Variants in ZZEF1 observed in about 807,000 individuals in gnomAD.
ZZEF1 encodes zinc finger ZZ-type and EF-hand domain containing 1.
In ZZEF1, 157 loss-of-function variants were observed where a neutral mutation model predicts 342.8. The observed-to-expected ratio is 0.46, with a 90% CI of 0.40 to 0.52. The LOEUF (loss-of-function observed/expected upper bound fraction) is 0.52, where lower values mean the gene tolerates loss of function less well. Among genes scored for constraint, ZZEF1 ranks in the 20% least tolerant of loss-of-function variants. The pLI, the probability that ZZEF1 is intolerant of heterozygous loss-of-function variation, is 0.00. For synonymous variants in ZZEF1, 1,505 were observed against 1,429.1 expected (o/e 1.05, Z -1.20); for missense variants, 3,480 against 3,725.6 (o/e 0.93, Z 1.72).
intron 28 of ZZEF1, 57 bp downstream of exon 28, chr17:4,066,389 CA>C: frequency 6.5e-7 from 1 of 1,529,242 alleles, no homozygotes; most frequent in Non-Finnish European, 9.0e-7. Flanking sequence ...ATTGGTTTTC[CA>C]GGCTCTAAAA....
Position 4,022,733 on chromosome 17 carries a change from T to G in ZZEF1, c.7188A>C (p.Lys2396Asn). 1 of 1,613,872 alleles carries G rather than the reference T, an allele frequency of 6.2e-7. No individual in the cohort carries two copies. Among genetic ancestry groups the G allele is most frequent in the Non-Finnish European group, 8.5e-7 (1 of 1,179,968 alleles). Residue 2396 changes from lysine to asparagine, a missense_variant, in exon 44 of 55, where the codon AAA becomes AAC. Lys to Asn is a moderately conservative substitution (Grantham distance 94). Coordinates refer to ENST00000381638, the MANE Select transcript of ZZEF1 (RefSeq NM_015113.4). ...CTTCCAGGTCCCGGAGGAGCCACGT[T>G]TTACTAAAGCCAGTCCCTTTGCTGC... is the stretch of plus-strand genomic sequence containing the variant. ...KKCSKGTGFS[K>N]TWLLRDLEIL... is the part of the protein sequence containing the mutation.
rs1051649601 is a variant in ZZEF1, at chr17:4,005,151, T to C, written c.*1739A>G. The C allele has an allele frequency of 6.6e-6, 1 of 152,338 alleles. No individual in the cohort carries two copies. The highest frequency in any genetic ancestry group is 1.5e-5 in the Non-Finnish European group (1 of 68,120). 9.4% of individuals were successfully genotyped at this position (152,338 alleles called of 1,614,324 possible). Reference sequence around the variant, plus strand: ...CCTCCCTCCCAAGCACTAAGACTTGTTTCCTGTGAGTCCCCTCTTGGGAAA... The same window carrying C: ...CCTCCCTCCCAAGCACTAAGACTTGCTTCCTGTGAGTCCCCTCTTGGGAAA... On this transcript the variant is annotated 3_prime_UTR_variant, in exon 55 of 55. Coordinates refer to ENST00000381638, the MANE Select transcript of ZZEF1 (RefSeq NM_015113.4).
intron 17 of ZZEF1, 50 bp downstream of exon 17, chr17:4,082,387 C>G: frequency 6.3e-7 from 1 of 1,589,804 alleles, no homozygotes; most frequent in South Asian, 1.1e-5. Flanking sequence ...AAGAAAACAA[C>G]TTTGCAAAGA....
chr17:4,126,320 C>T (rs987798021), intron 1 of ZZEF1, among the ~76,000 whole-genome samples: 1 of 151,654 alleles, frequency 6.6e-6, no homozygotes, highest in Non-Finnish European at 1.5e-5. Flanking sequence ...GACAACCAGT[C>T]ATCGGGAGTA....
At chr17:4,039,952 C>A (rs1389582480) in intron 39 of ZZEF1, among the ~76,000 whole-genome samples, 1 of 152,046 alleles carries the variant, frequency 6.6e-6, no homozygotes, top group Non-Finnish European at 1.5e-5. Flanking sequence ...CCGAGAACAT[C>A]TTTTTAAAAA....
chr17:4,072,751 C>G lies in ZZEF1; in HGVS notation c.3691G>C (p.Gly1231Arg). 2 of 1,610,206 alleles carry G rather than the reference C, an allele frequency of 1.2e-6. No homozygotes were observed. Among genetic ancestry groups the G allele is most frequent in the East Asian group, 4.5e-5 (2 of 44,794 alleles). ...GCCTGAGGTACTACCATGTTACTTC[C>G]TAACTCTAGAAAGAGAAGAAGACAT... ...CMALKSVRQL[G>R]SNMVVPQAKM... is the part of the protein sequence containing the mutation. The change falls in exon 25 of 55, where the codon GGA (glycine) becomes CGA (arginine). Residue 1231 changes from glycine (G) to arginine (R), a missense_variant. Physicochemically the swap from Gly to Arg is moderately radical, Grantham distance 125. This residue lies in a region of ZZEF1 where 1,528 missense variants were observed against 1,624.1 expected (regional missense o/e 0.94). Transcript: ENST00000381638.
At chr17:4,066,017 A>T (rs940468106) in intron 28 of ZZEF1, among the ~76,000 whole-genome samples, 1 of 151,982 alleles carries the variant, frequency 6.6e-6, no homozygotes, top group African/African-American at 2.4e-5. Flanking sequence ...GGAAAAAAAA[A>T]TTTGCCAGGT....
rs867273109 is a variant in ZZEF1 at position 4,014,248 on chromosome 17, G to A, written c.8315-60C>T. 1.2e-5 allele frequency: 20 copies of A among 1,608,936 alleles called. No individual in the cohort carries two copies. Among genetic ancestry groups the A allele is most frequent in the Non-Finnish European group, 1.6e-5 (19 of 1,175,466 alleles). On this transcript the variant is annotated intron_variant, in intron 50 of 54. Transcript: ENST00000381638. The surrounding 1 kb of genome is among the most constrained non-coding windows in gnomAD (Gnocchi z 4.4). ...TGAAGCAACAGGGAATGGCAGCAGT[G>A]GTGTTGGGTTTCAACATTCTCCAGT...
chr17:4,131,271 G>A (rs2058658408), intron 1 of ZZEF1, among the ~76,000 whole-genome samples: 2 of 152,102 alleles, frequency 1.3e-5, no homozygotes, highest in African/African-American at 2.4e-5. Flanking sequence ...AACAAATCTA[G>A]ATTAAAGCAG....
At chr17:4,049,534 A>C (rs950078343) in intron 37 of ZZEF1, among the ~76,000 whole-genome samples, 174 bp downstream of exon 37, 1 of 152,080 alleles carries the variant, frequency 6.6e-6, no homozygotes, top group African/African-American at 2.4e-5. Flanking sequence ...AGAAAATAAA[A>C]CAAACACTGA....
Position 4,016,406 on chromosome 17 carries a change from C to A in ZZEF1, c.8062G>T (p.Ala2688Ser). 5 of 1,614,090 alleles carry A rather than the reference C, an allele frequency of 3.1e-6. No homozygotes were observed. Among genetic ancestry groups the A allele is most frequent in the Non-Finnish European group, 4.2e-6 (5 of 1,180,024 alleles). The change falls in exon 49 of 55, where the codon GCA becomes TCA. Residue 2688 changes from alanine to serine, a missense_variant. Transcript: ENST00000381638. This position sits in a 1 kb window ranked among gnomAD's most constrained non-coding sequence, Gnocchi z 4.4. ...CCTGGCTCCTCCATGAACTGGCATGCAGCCAGGGCCATGGTCCCCAGCATG... is the reference window on the plus strand; with the variant it reads ...CCTGGCTCCTCCATGAACTGGCATGAAGCCAGGGCCATGGTCCCCAGCATG... The part of the protein sequence containing the change: ...EDMLGTMALA[A>S]CQFMEEPGME...
At chr17:4,040,056 T>C (rs764124449) in intron 39 of ZZEF1, among the ~76,000 whole-genome samples, 2 of 152,116 alleles carry the variant, frequency 1.3e-5, no homozygotes, top group Non-Finnish European at 2.9e-5. Context: ...AGAAAATATT[T>C]AGGCAAAAAA....
chr17:4,097,477 G>GAA (rs1174680383), intron 9 of ZZEF1, among the ~76,000 whole-genome samples: 2 of 13,858 alleles, frequency 1.4e-4, no homozygotes, highest in African/African-American at 2.0e-4. Context: ...TTTGAAATGG[G>GAA]AAAAAAAAAA....
At chr17:4,122,330 T>G (rs1230827786) in intron 2 of ZZEF1, among the ~76,000 whole-genome samples, 1 of 151,952 alleles carries the variant, frequency 6.6e-6, no homozygotes, top group Non-Finnish European at 1.5e-5. Context: ...TCTTTACGTG[T>G]AAGTCTGAGC....
chr17:4,095,738 A>G, intron 11 of ZZEF1, 93 bp downstream of exon 11: 1 of 1,373,730 alleles, frequency 7.3e-7, no homozygotes, highest in South Asian at 1.5e-5. Context: ...ACAAGCAAGC[A>G]CAGTTCACCA....
chr17:4,074,459 T>G, intron 23 of ZZEF1, 108 bp from the exon 24 acceptor site: 3 of 1,157,454 alleles, frequency 2.6e-6, no homozygotes, highest in Non-Finnish European at 2.5e-6. Context: ...TTGATCTCTA[T>G]TTCCACATGT....
In ZZEF1 at chr17:4,088,705, CTGAA is replaced by C; in HGVS notation, c.2210_2213del (p.Leu737ArgfsTer18). On this transcript the variant is annotated frameshift_variant, in exon 13 of 55. Coordinates refer to ENST00000381638, the MANE Select transcript of ZZEF1 (RefSeq NM_015113.4). LOFTEE classifies it high-confidence loss of function. ...GGTCATGGGCGAGCTGCTGGATAAA[CTGAA>C]GGGTCCTGAGGAGCAACGTGGCCCC... The C allele has an allele frequency of 6.2e-7, 1 of 1,614,134 alleles. No homozygotes were observed. The highest frequency in any genetic ancestry group is 8.5e-7 in the Non-Finnish European group (1 of 1,180,044).
chr17:4,116,041 G>C (rs1567855147), intron 3 of ZZEF1, among the ~76,000 whole-genome samples: 1 of 152,126 alleles, frequency 6.6e-6, no homozygotes, highest in South Asian at 2.1e-4. Context: ...TCTAGTTTCA[G>C]CTGGGTGGTG....
At chr17:4,114,542 T>A in intron 3 of ZZEF1, 72 bp from the exon 4 acceptor site, 2 of 1,270,420 alleles carry the variant, frequency 1.6e-6, no homozygotes, top group South Asian at 4.2e-5. Flanking sequence ...ATTTAAAATA[T>A]CTAACAGAAA....
Sources: gnomAD v4.1 joint callset for allele counts (sites outside exome capture counted in the v4.1 genomes callset) on GRCh38, gnomAD v4.1.1 for gene constraint, gnomAD v4.1.1 regional missense constraint, Gnocchi (gnomAD v3.1) non-coding constraint, MANE v1.5 for transcripts, NCBI Gene and HGNC (gene_info 2026-07-23, HGNC 2026-07-21) for gene names.